Variants in NXPH1 observed in about 807,000 individuals in gnomAD.
NXPH1 encodes the protein neurexophilin 1, also known as neurexophilin-1.
A neutral mutation model predicts 23.7 loss-of-function variants in NXPH1; 5 were observed. The ratio of observed to expected loss-of-function variants is 0.21; its 90% CI spans 0.11 to 0.44. NXPH1 has a LOEUF of 0.44. Among genes scored for constraint, NXPH1 ranks in the 20% least tolerant of loss-of-function variants. NXPH1 has a pLI of 0.99. For missense variants in NXPH1, 324 were observed against 321.6 expected (o/e 1.01, Z -0.06); for synonymous variants, 144 against 122.2 (o/e 1.18, Z -1.18).
chr7:8,533,992 C>A (rs370460989), intron 2 of NXPH1, among the ~76,000 whole-genome samples: 2 of 152,126 alleles, frequency 1.3e-5, no homozygotes, highest in African/African-American at 4.8e-5. Flanking sequence ...CAAGATAATT[C>A]ATTTTTAATT....
At chr7:8,717,429 A>G (rs138791817) in intron 2 of NXPH1, among the ~76,000 whole-genome samples, 319 of 152,272 alleles carry the variant, frequency 2.1e-3, no homozygotes, top group African/African-American at 7.2e-3. Context: ...CCTCTGCAAA[A>G]TGTTCCTAGG....
At chr7:8,514,526 A>AT (rs1817659914) in intron 2 of NXPH1, among the ~76,000 whole-genome samples, 1 of 152,144 alleles carries the variant, frequency 6.6e-6, no homozygotes, top group East Asian at 1.9e-4. Flanking sequence ...AGAAGAGTCC[A>AT]TTCCCTGATG....
intron 2 of NXPH1, among the ~76,000 whole-genome samples, chr7:8,650,628 T>G (rs1405185751): frequency 6.6e-6 from 1 of 152,246 alleles, no homozygotes; most frequent in African/African-American, 2.4e-5. Context: ...TGCATGTCTG[T>G]ACATTATACA....
rs570683003 is a variant in NXPH1 at position 8,746,903 on chromosome 7, T to C, written c.55-4105T>C. The stretch of plus-strand genomic sequence containing the variant: ...TGTTTGCTTTATGTTTGTGGTTATA[T>C]TGAAGGGAGATTTTCTTTCAAGAAT... On this transcript the variant is annotated intron_variant, in intron 2 of 2. Transcript: ENST00000405863. Among the ~76,000 whole-genome samples, 21 of 151,990 alleles carry C rather than the reference T, an allele frequency of 1.4e-4. No homozygotes were observed. The East Asian group carries it at 1.9e-3, about 14-fold the overall frequency.
intron 2 of NXPH1, among the ~76,000 whole-genome samples, chr7:8,546,333 T>C (rs1001818094): frequency 6.6e-6 from 1 of 151,404 alleles, no homozygotes; most frequent in South Asian, 2.1e-4. Context: ...TTCCATCAGA[T>C]CATTACTGAA....
chr7:8,563,512 A>C (rs1056769369), intron 2 of NXPH1, among the ~76,000 whole-genome samples: 1 of 151,802 alleles, frequency 6.6e-6, no homozygotes, highest in Non-Finnish European at 1.5e-5. Flanking sequence ...TATTGATGAC[A>C]TAGGAAAGGA....
intron 2 of NXPH1, among the ~76,000 whole-genome samples, chr7:8,722,587 T>C (rs1336248826): frequency 6.6e-6 from 1 of 152,254 alleles, no homozygotes; most frequent in Non-Finnish European, 1.5e-5. Context: ...GCCAATTTTC[T>C]AGTATCTCTT....
chr7:8,715,473 G>A (rs1779862492), intron 2 of NXPH1, among the ~76,000 whole-genome samples: 1 of 152,082 alleles, frequency 6.6e-6, no homozygotes, highest in African/African-American at 2.4e-5. Context: ...AGGACAATTG[G>A]GTGTCAGGAG....
intron 2 of NXPH1, among the ~76,000 whole-genome samples, chr7:8,680,974 A>G (rs1424331928): frequency 6.6e-6 from 1 of 152,258 alleles, no homozygotes; most frequent in Non-Finnish European, 1.5e-5. Flanking sequence ...CTATTGAACT[A>G]GATGTTTTAC....
intron 2 of NXPH1, among the ~76,000 whole-genome samples, chr7:8,670,895 A>C (rs1396207114): frequency 6.6e-6 from 1 of 152,110 alleles, no homozygotes; most frequent in Non-Finnish European, 1.5e-5. Flanking sequence ...AATCATTGAA[A>C]TCCATACACA....
chr7:8,619,779 T>G (rs951627112), intron 2 of NXPH1, among the ~76,000 whole-genome samples: 2 of 152,204 alleles, frequency 1.3e-5, no homozygotes, highest in Non-Finnish European at 2.9e-5. Context: ...CAAAATATAC[T>G]AATACCATTA....
chr7:8,725,109 A>C (rs952323778), intron 2 of NXPH1, among the ~76,000 whole-genome samples: 5 of 152,220 alleles, frequency 3.3e-5, no homozygotes, highest in Non-Finnish European at 7.3e-5. Flanking sequence ...TTTTTAAAAG[A>C]ATTCTCAAGG....
At chr7:8,461,108 G>C (rs1400684619) in intron 2 of NXPH1, among the ~76,000 whole-genome samples, 1 of 152,208 alleles carries the variant, frequency 6.6e-6, no homozygotes, top group East Asian at 1.9e-4. Flanking sequence ...AAAGATTGGA[G>C]AATTGCTTGG....
At chr7:8,739,712 CACTT>C (rs1466320990) in intron 2 of NXPH1, among the ~76,000 whole-genome samples, 3 of 151,968 alleles carry the variant, frequency 2.0e-5, no homozygotes, top group African/African-American at 7.3e-5. Context: ...TGTGTAATAA[CACTT>C]AGGTTAAAAC....
rs527856767 is a variant in NXPH1 at position 8,719,766 on chromosome 7, G to A, written c.55-31242G>A. ...GTTTTCCGACGTGAATTTAAATTAT[G>A]GAAATGAAATACTTTTATACAAAAC... On this transcript the variant is annotated intron_variant, in intron 2 of 2. Transcript: ENST00000405863. 3.9e-5 allele frequency among the ~76,000 whole-genome samples: 6 copies of A among 152,016 alleles called. No individual in the cohort carries two copies. In the East Asian group the frequency reaches 1.2e-3, roughly 29 times the overall value.
chr7:8,700,581 G>C (rs7777900), intron 2 of NXPH1, among the ~76,000 whole-genome samples: 8,832 of 152,178 alleles, frequency 0.058, 487 homozygotes, highest in East Asian at 0.18. Flanking sequence ...CAATTAAAAA[G>C]TACTTTAAAA....
At chr7:8,439,234 A>C (rs1563310442) in intron 2 of NXPH1, among the ~76,000 whole-genome samples, 1 of 152,190 alleles carries the variant, frequency 6.6e-6, no homozygotes, top group Admixed American at 6.5e-5. Context: ...ACTTTATTGA[A>C]GCATATATTG....
In NXPH1 at chr7:8,751,355, C is replaced by T. The variant is rs746045228; in HGVS notation, c.402C>T (p.Asn134=). ...FHSNIKTVKL[N]LLITGKIVDH... is the part of the protein sequence containing the mutation. ...CCAACATCAAAACAGTGAAGCTGAA[C>T]CTGTTGATAACTGGGAAAATTGTAG... is the stretch of plus-strand genomic sequence containing the variant. The change falls in exon 3 of 3, where the codon AAC becomes AAT. Residue 134 remains asparagine, a synonymous_variant. Coordinates refer to ENST00000405863, the MANE Select transcript of NXPH1 (RefSeq NM_152745.3). This position sits in a 1 kb window ranked among gnomAD's most constrained non-coding sequence, Gnocchi z 4.5. 7 of 1,613,714 alleles carry T rather than the reference C, an allele frequency of 4.3e-6. No individual in the cohort carries two copies. The highest frequency in any genetic ancestry group is 1.6e-4 in the Middle Eastern group (1 of 6,084).
At chr7:8,546,204 T>C (rs910858053) in intron 2 of NXPH1, among the ~76,000 whole-genome samples, 2 of 151,436 alleles carry the variant, frequency 1.3e-5, no homozygotes, top group Non-Finnish European at 3.0e-5. Flanking sequence ...CAGGCAATCA[T>C]TCCTGGAGTT....
Sources: gnomAD v4.1 joint callset for allele counts (sites outside exome capture counted in the v4.1 genomes callset) on GRCh38, gnomAD v4.1.1 for gene constraint, Gnocchi (gnomAD v3.1) non-coding constraint, MANE v1.5 for transcripts, NCBI Gene and HGNC (gene_info 2026-07-23, HGNC 2026-07-21) for gene names.